TRAK2: variants seen among roughly 807,000 people sequenced by gnomAD.
TRAK2 encodes the protein trafficking kinesin-binding protein 2.
Under a neutral mutation model 104.6 loss-of-function variants are expected in TRAK2, and 81 were observed. The ratio of observed to expected loss-of-function variants is 0.77; its 90% CI spans 0.65 to 0.93. TRAK2 has a LOEUF of 0.93. Ranked by LOEUF, TRAK2 falls within the 40% of genes least tolerant of loss-of-function variation. TRAK2 has a pLI of 0.00. For synonymous variants in TRAK2, 406 were observed against 394.4 expected (o/e 1.03, Z -0.35); for missense variants, 1,002 against 1,089.0 (o/e 0.92, Z 1.12).
At chr2:201,435,865 G>T (rs1341234787) in intron 1 of TRAK2, among the ~76,000 whole-genome samples, 4 of 152,074 alleles carry the variant, frequency 2.6e-5, no homozygotes, top group Non-Finnish European at 4.4e-5. Context: ...TCATGGTGAT[G>T]GCAGGAGCTC....
Position 201,380,329 on chromosome 2 carries a change from A to T in TRAK2, c.*214T>A. On this transcript the variant is annotated 3_prime_UTR_variant, in exon 16 of 16. Transcript: ENST00000332624. ...ATTAAACCTTTCTTTTCTCCCTCTG[A>T]ACACTCATGGCCCATTCATTTATAC... The T allele has an allele frequency of 1.7e-6, 1 of 588,724 alleles. No individual in the cohort carries two copies. Among genetic ancestry groups the T allele is most frequent in the Non-Finnish European group, 3.0e-6 (1 of 332,618 alleles). 36.5% of individuals were successfully genotyped at this position (588,724 alleles called of 1,614,324 possible). A position where few individuals can be genotyped will look rare whatever the true frequency, so the allele number is the denominator to read the frequency against.
intron 2 of TRAK2, among the ~76,000 whole-genome samples, chr2:201,413,631 A>G (rs1302926999): frequency 2.6e-5 from 4 of 152,094 alleles, no homozygotes. Context: ...GGTAGAAGAC[A>G]CTTTCGGAAA....
At chr2:201,426,486 G>C (rs557074108) in intron 1 of TRAK2, among the ~76,000 whole-genome samples, 1 of 152,306 alleles carries the variant, frequency 6.6e-6, no homozygotes, top group African/African-American at 2.4e-5. Context: ...TAAAGCGCTT[G>C]AATCATCCCC....
rs576596519 is a variant in TRAK2, at chr2:201,412,662, T to C, written c.92-5065A>G. ...ACAATGAAGGTAAATTTGGGTCCCA[T>C]TCTTTACAAGGAAATTTAGGCTCTT... On this transcript the variant is annotated intron_variant, in intron 2 of 15. Coordinates refer to ENST00000332624, the MANE Select transcript of TRAK2 (RefSeq NM_015049.3). 2.1e-5 allele frequency: 33 copies of C among 1,559,616 alleles called. 2 individuals are homozygous for C. In the South Asian group the frequency reaches 3.2e-4, roughly 15 times the overall value.
intron 1 of TRAK2, among the ~76,000 whole-genome samples, chr2:201,437,904 AG>A (rs1277352819): frequency 6.6e-6 from 1 of 152,334 alleles, no homozygotes; most frequent in East Asian, 1.9e-4. Context: ...CTTTCTTATA[AG>A]GGAAAAATAT....
intron 3 of TRAK2, among the ~76,000 whole-genome samples, chr2:201,404,708 T>C (rs1314219990): frequency 6.6e-6 from 1 of 152,358 alleles, no homozygotes; most frequent in South Asian, 2.1e-4. Flanking sequence ...ACCACAACTA[T>C]AGAATTTCAA....
intron 1 of TRAK2, among the ~76,000 whole-genome samples, chr2:201,448,650 A>T: frequency 6.6e-6 from 1 of 152,220 alleles, no homozygotes; most frequent in East Asian, 1.9e-4. Flanking sequence ...GAAATAAGAC[A>T]TTATCTGTCT....
intron 13 of TRAK2, 77 bp from the exon 14 acceptor site, chr2:201,386,561 T>C (rs1951393083): frequency 1.3e-6 from 2 of 1,522,248 alleles, no homozygotes; most frequent in African/African-American, 1.4e-5. Flanking sequence ...GCTAAAATTA[T>C]ATGTGTAATA....
intron 1 of TRAK2, among the ~76,000 whole-genome samples, chr2:201,429,067 G>C (rs1416268568): frequency 5.3e-5 from 8 of 152,318 alleles, no homozygotes; most frequent in African/African-American, 1.9e-4. Context: ...GAGATTTTGG[G>C]CTGAGACAAT....
intron 2 of TRAK2, among the ~76,000 whole-genome samples, chr2:201,415,864 T>C (rs1951687831): frequency 6.6e-6 from 1 of 151,732 alleles, no homozygotes; most frequent in Non-Finnish European, 1.5e-5. Context: ...GAATCTCAAC[T>C]CCATGCAGTA....
At position 201,407,383 on chromosome 2, in the gene TRAK2, A is replaced by C. The variant is rs369111060; in HGVS notation, c.286+20T>G. ...TCATTACTTTAATGCACAAACTAAA[A>C]GAGTAAAAAAAATACTCACTCATGT... On this transcript the variant is annotated intron_variant, in intron 3 of 15. Transcript: ENST00000332624. 6.9e-6 allele frequency: 11 copies of C among 1,600,800 alleles called. No individual in the cohort carries two copies. In the African/African-American group the frequency reaches 1.3e-4, roughly 20 times the overall value.
rs757336472 is a variant in TRAK2 at position 201,401,054 on chromosome 2, G to A, written c.327C>T (p.Tyr109=). 29 of 1,611,196 alleles carry A rather than the reference G, an allele frequency of 1.8e-5. No homozygotes were observed. Among genetic ancestry groups the A allele is most frequent in the Non-Finnish European group, 2.2e-5 (26 of 1,178,166 alleles). ...TDRVEQMTKT[Y]NDIDMVTHLL... is the part of the protein sequence containing the mutation. ...GATGTGTAACCATGTCGATGTCATT[G>A]TAAGTTTTGGTCATCTGCTCCACCC... The change falls in exon 4 of 16, where the codon TAC becomes TAT. Residue 109 remains tyrosine, a synonymous_variant. Transcript: ENST00000332624.
Position 201,395,367 on chromosome 2 carries a change from C to G in TRAK2, c.847G>C (p.Glu283Gln), listed in dbSNP as rs1951492455. 6.2e-7 allele frequency: 1 copy of G among 1,604,668 alleles called. No individual in the cohort carries two copies. Among genetic ancestry groups the G allele is most frequent in the Non-Finnish European group, 8.5e-7 (1 of 1,173,198 alleles). The change falls in exon 8 of 16, where the codon GAG (glutamate) becomes CAG (glutamine). Residue 283 changes from glutamate (E) to glutamine (Q), a missense_variant. Coordinates refer to ENST00000332624, the MANE Select transcript of TRAK2 (RefSeq NM_015049.3). ...ATCTGTGACAAAAGAGAGGAAAGCT[C>G]TTCTTGGTATCGAATCAGCTCATCA... Reference protein sequence around the residue: ...KSDELIRYQEELSSLLSQIVD... With the variant: ...KSDELIRYQEQLSSLLSQIVD...
At chr2:201,449,012 A>T (rs1951988042) in intron 1 of TRAK2, among the ~76,000 whole-genome samples, 1 of 152,214 alleles carries the variant, frequency 6.6e-6, no homozygotes, top group South Asian at 2.1e-4. Flanking sequence ...TTGCAGACTC[A>T]CAAAACCTGT....
In TRAK2 at chr2:201,393,044, C is replaced by T; in HGVS notation, c.978G>A (p.Leu326=). Reference sequence around the variant, plus strand: ...CCATATTCCTGTCTTGTAACTCGTGCAGCTAAAAGAAAGGATGGTAGTGTA... The same window carrying T: ...CCATATTCCTGTCTTGTAACTCGTGTAGCTAAAAGAAAGGATGGTAGTGTA... The part of the protein sequence containing the change: ...KDAQRQLTME[L]HELQDRNMEC... The change falls in exon 10 of 16, where the codon CTG becomes CTA. Residue 326 remains leucine (L), a splice_region_variant and synonymous_variant. Transcript: ENST00000332624. The T allele has an allele frequency of 1.9e-6, 3 of 1,608,214 alleles. No individual in the cohort carries two copies. The highest frequency in any genetic ancestry group is 2.5e-6 in the Non-Finnish European group (3 of 1,177,074).
At position 201,389,479 on chromosome 2, in the gene TRAK2, A is replaced by C. The variant is rs1307846030; in HGVS notation, c.1218T>G (p.Asp406Glu). The C allele has an allele frequency of 5.6e-6, 9 of 1,614,006 alleles. No individual in the cohort carries two copies. Among genetic ancestry groups the C allele is most frequent in the Non-Finnish European group, 7.6e-6 (9 of 1,180,036 alleles). ...KQKAQQKRVF[D>E]TVRIANDTRG... ...GTGTGTCATTGGCAATCCTGACGGT[A>C]TCAAATACCCGCTTCTGTTGGGCTC... The change falls in exon 12 of 16, where the codon GAT becomes GAG. Residue 406 changes from aspartate (D) to glutamate (E), a missense_variant. Physicochemically the swap from Asp to Glu is conservative, Grantham distance 45 (BLOSUM62 2). Transcript: ENST00000332624.
chr2:201,384,843 C>A (rs1272301223), intron 14 of TRAK2, among the ~76,000 whole-genome samples: 1 of 152,030 alleles, frequency 6.6e-6, no homozygotes. Flanking sequence ...TTTTCCTGTT[C>A]TGTGTGATGA....
At chr2:201,411,601 G>T in intron 2 of TRAK2, 1 of 782,766 alleles carries the variant, frequency 1.3e-6, no homozygotes. Context: ...ATACTCAGGG[G>T]AATAAGATGA....
chr2:201,401,816 C>T (rs1951553259), intron 3 of TRAK2, among the ~76,000 whole-genome samples: 1 of 151,958 alleles, frequency 6.6e-6, no homozygotes, highest in African/African-American at 2.4e-5. Context: ...AAATATGACT[C>T]CAATGATTCC....
Sources: gnomAD v4.1 joint callset for allele counts (sites outside exome capture counted in the v4.1 genomes callset) on GRCh38, gnomAD v4.1.1 for gene constraint, MANE v1.5 for transcripts, NCBI Gene and HGNC (gene_info 2026-07-23, HGNC 2026-07-21) for gene names.